Variants in SLC22A5 observed in about 807,000 individuals in gnomAD.
SLC22A5 encodes the protein solute carrier family 22 member 5.
In SLC22A5, 44 loss-of-function variants were observed where a neutral mutation model predicts 56.7. The ratio of observed to expected loss-of-function variants is 0.78; its 90% CI spans 0.61 to 1.00. The LOEUF is 1.00. SLC22A5 is among the 50% of genes least tolerant of loss of function. The pLI is 0.00. For synonymous variants in SLC22A5, 278 were observed against 292.1 expected, an observed-to-expected ratio of 0.95 and a Z score of 0.49; for missense variants, 675 against 723.0, an observed-to-expected ratio of 0.93 and a Z score of 0.76.
In SLC22A5 at chr5:132,392,488, T is replaced by C; in HGVS notation, c.1323T>C (p.Ala441=). 1 of 1,614,226 alleles carries C rather than the reference T, an allele frequency of 6.2e-7. No individual in the cohort carries two copies. Among genetic ancestry groups the C allele is most frequent in the Non-Finnish European group, 8.5e-7 (1 of 1,180,026 alleles). ...LVMVGKFGVT[A]AFSMVYVYTA... ...TGGTGGGCAAGTTTGGAGTCACGGC[T>C]GCCTTTTCCATGGTCTACGTGTACA... Residue 441 remains alanine (A), a synonymous_variant, in exon 8 of 10, where the codon GCT becomes GCC. Transcript: ENST00000245407.
chr5:132,378,025 C>T (rs1057291866), intron 1 of SLC22A5: 18 of 1,396,460 alleles, frequency 1.3e-5, no homozygotes, highest in African/African-American at 1.5e-5. Context: ...CCCCACTGAG[C>T]GAGGGTGCCC....
In SLC22A5 at chr5:132,370,032, C is replaced by T; in HGVS notation, c.60C>T (p.Leu20=). 1 of 1,613,448 alleles carries T rather than the reference C, an allele frequency of 6.2e-7. No homozygotes were observed. The highest frequency in any genetic ancestry group is 8.5e-7 in the Non-Finnish European group (1 of 1,179,730). Residue 20 remains leucine, a synonymous_variant, in exon 1 of 10, where the codon CTC becomes CTT. Coordinates refer to ENST00000245407, the MANE Select transcript of SLC22A5 (RefSeq NM_003060.4). The part of the protein sequence containing the change: ...FLGEWGPFQR[L]IFFLLSASII... ...GCGAGTGGGGGCCCTTCCAGCGCCTCATCTTCTTCCTGCTCAGCGCCAGCA... is the reference window on the plus strand; with the variant it reads ...GCGAGTGGGGGCCCTTCCAGCGCCTTATCTTCTTCCTGCTCAGCGCCAGCA...
intron 7 of SLC22A5, among the ~76,000 whole-genome samples, chr5:132,391,304 A>G (rs891175066): frequency 3.9e-5 from 6 of 152,224 alleles, no homozygotes; most frequent in Non-Finnish European, 4.4e-5. Flanking sequence ...GATACACAAG[A>G]AAACAAGCCA....
In SLC22A5 at chr5:132,387,059, C is replaced by A. The variant is rs931801909; in HGVS notation, c.859C>A (p.Gln287Lys). ...IPESPRWLIS[Q>K]GRFEEAEVII... ...TGAGTCCCCCCGATGGCTCATCTCT[C>A]AGGGACGATTTGAAGAGGCAGAGGT... is the stretch of plus-strand genomic sequence containing the variant. The change falls in exon 5 of 10, where the codon CAG becomes AAG. Residue 287 changes from glutamine (Q) to lysine (K), a missense_variant. Coordinates refer to ENST00000245407, the MANE Select transcript of SLC22A5 (RefSeq NM_003060.4). The A allele has an allele frequency of 5.0e-6, 8 of 1,614,156 alleles. No individual in the cohort carries two copies. In the South Asian group the frequency reaches 8.8e-5, roughly 18 times the overall value.
rs2126765457 is a variant in SLC22A5 at position 132,370,268 on chromosome 5, C to T, written c.296C>T (p.Pro99Leu). The stretch of plus-strand genomic sequence containing the variant: ...AACTTCTCGGCGCTTGGGCTGGAGC[C>T]GGGGCGCGACGTGGACCTGGGGCAG... ...IANFSALGLEPGRDVDLGQLE... is the reference protein window; with the variant it reads ...IANFSALGLELGRDVDLGQLE... The change falls in exon 1 of 10, where the codon CCG (proline) becomes CTG (leucine). Residue 99 changes from proline (P) to leucine (L), a missense_variant. Coordinates refer to ENST00000245407, the MANE Select transcript of SLC22A5 (RefSeq NM_003060.4). 6.3e-7 allele frequency: 1 copy of T among 1,594,208 alleles called. No homozygotes were observed. The highest frequency in any genetic ancestry group is 1.3e-5 in the African/African-American group (1 of 74,674).
intron 8 of SLC22A5, 50 bp downstream of exon 8, chr5:132,392,665 A>G (rs748980616): frequency 1.8e-5 from 28 of 1,523,416 alleles, no homozygotes; most frequent in South Asian, 3.4e-5. Flanking sequence ...TGGAAGTACT[A>G]ACTGGCTTGA....
rs75999741 is a variant in SLC22A5 at position 132,385,587 on chromosome 5, C to G, written c.824+88C>G. On this transcript the variant is annotated intron_variant, in intron 4 of 9. Transcript: ENST00000245407. ...GAGGGCAGCAACAACCCATGAATCC[C>G]TATTTTGTCTCCCAGAGACAGGAAG... The G allele has an allele frequency of 0.011, 11,492 of 1,055,726 alleles. 224 individuals carry two copies. Among genetic ancestry groups the G allele is most frequent in the African/African-American group, 0.075 (4,865 of 64,454 alleles). 65.4% of individuals were successfully genotyped at this position (1,055,726 alleles called of 1,614,324 possible). A position where few individuals can be genotyped will look rare whatever the true frequency, so the allele number is the denominator to read the frequency against.
intron 1 of SLC22A5, among the ~76,000 whole-genome samples, chr5:132,375,569 CAGTGCCAATTATGTATGAGGTATAGG>C: frequency 1.3e-5 from 2 of 152,334 alleles, no homozygotes; most frequent in East Asian, 3.9e-4. Context: ...ACTGAAAAAG[CAGTGCCAATTATGTATGAGGTATAGG>C]AGACACAATT....
chr5:132,387,548 G>A (rs1016282901), intron 5 of SLC22A5, among the ~76,000 whole-genome samples: 11 of 152,120 alleles, frequency 7.2e-5, no homozygotes, highest in Admixed American at 1.3e-4. Context: ...AACCCCAAAC[G>A]TAAAATGTAA....
At chr5:132,373,591 G>A (rs1752018800) in intron 1 of SLC22A5, among the ~76,000 whole-genome samples, 1 of 152,132 alleles carries the variant, frequency 6.6e-6, no homozygotes, top group African/African-American at 2.4e-5. Context: ...AACCGAGATC[G>A]AGCCTCTGCA....
chr5:132,370,877 G>A (rs142621076), intron 1 of SLC22A5, among the ~76,000 whole-genome samples: 2 of 151,406 alleles, frequency 1.3e-5, no homozygotes, highest in African/African-American at 2.4e-5. Flanking sequence ...TTCCCCTACC[G>A]TCCACAACCC....
At chr5:132,373,767 C>A (rs1752032241) in intron 1 of SLC22A5, among the ~76,000 whole-genome samples, 1 of 152,198 alleles carries the variant, frequency 6.6e-6, no homozygotes, top group African/African-American at 2.4e-5. Context: ...CCTCAGTCAT[C>A]CCTGGGGTAC....
At chr5:132,387,553 A>G (rs1011815545) in intron 5 of SLC22A5, among the ~76,000 whole-genome samples, 2 of 152,228 alleles carry the variant, frequency 1.3e-5, no homozygotes, top group African/African-American at 2.4e-5. Context: ...CAAACGTAAA[A>G]TGTAAAGCAC....
At chr5:132,374,383 A>G (rs1358767990) in intron 1 of SLC22A5, among the ~76,000 whole-genome samples, 1 of 151,964 alleles carries the variant, frequency 6.6e-6, no homozygotes, top group Non-Finnish European at 1.5e-5. Flanking sequence ...TTGTGTAGAG[A>G]CAGATAGTCT....
chr5:132,389,659 G>A (rs1752638771), intron 6 of SLC22A5: 2 of 159,810 alleles, frequency 1.3e-5, no homozygotes, highest in South Asian at 1.7e-4. Context: ...GTGGGTTAGC[G>A]GTGAGAAGAT....
chr5:132,376,185 G>A, intron 1 of SLC22A5: 1 of 152,388 alleles, frequency 6.6e-6, no homozygotes, highest in South Asian at 2.1e-4. Context: ...TTGCCCTTGT[G>A]TTCAGTTTTG....
intron 2 of SLC22A5, chr5:132,379,818 T>C (rs1752288974): frequency 6.6e-6 from 1 of 152,108 alleles, no homozygotes; most frequent in Admixed American, 6.6e-5. Flanking sequence ...GGTTAACCTG[T>C]TTATTATTCC....
chr5:132,374,654 C>T lies in SLC22A5; in HGVS notation c.394-3724C>T, dbSNP rs1485680761. ...CCACTATGCACGTACATAGTAGACA[C>T]ATCTGGCCATGAGTGGTCAGATTGA... On this transcript the variant is annotated intron_variant, in intron 1 of 9. Transcript: ENST00000245407. Among the ~76,000 whole-genome samples the T allele has an allele frequency of 3.3e-5, 5 of 152,188 alleles. No homozygotes were observed. In the Middle Eastern group the frequency reaches 0.014, roughly 414 times the overall value.
At chr5:132,388,837 T>C (rs1752613706) in intron 5 of SLC22A5, 84 bp from the exon 6 acceptor site, 1 of 871,668 alleles carries the variant, frequency 1.1e-6, no homozygotes. Flanking sequence ...ACAGCTAAGA[T>C]GCCAGGGATT....
Sources: allele counts gnomAD v4.1 joint callset (sites outside exome capture counted in the v4.1 genomes callset), GRCh38; gene constraint gnomAD v4.1.1; transcripts MANE v1.5; gene names NCBI Gene and HGNC (gene_info 2026-07-23, HGNC 2026-07-21).